Variants in COL27A1 observed in about 807,000 individuals in gnomAD.
COL27A1 encodes the protein collagen alpha-1(XXVII) chain.
In COL27A1, 106 loss-of-function variants were observed where a neutral mutation model predicts 251.3. The ratio of observed to expected loss-of-function variants is 0.42; its 90% CI spans 0.36 to 0.50. The LOEUF (loss-of-function observed/expected upper bound fraction) is 0.50, where lower values mean the gene tolerates loss of function less well. Ranked by LOEUF, COL27A1 falls within the 20% of genes least tolerant of loss-of-function variation. The probability of loss-of-function intolerance (pLI) is 0.00; values close to 1 mark genes in which losing one functional copy is unlikely to be tolerated. For synonymous variants in COL27A1, 1,000 were observed against 986.3 expected (o/e 1.01, Z -0.26); for missense variants, 2,325 against 2,522.8 (o/e 0.92, Z 1.68).
intron 49 of COL27A1, among the ~76,000 whole-genome samples, chr9:114,293,165 C>A (rs910675649): frequency 6.6e-6 from 1 of 152,172 alleles, no homozygotes; most frequent in African/African-American, 2.4e-5. Flanking sequence ...TCATTCAGAA[C>A]ATTTACCAAG....
chr9:114,211,017 G>A lies in COL27A1; in HGVS notation c.2358G>A (p.Met786Ile). The change falls in exon 12 of 61, where the codon ATG (methionine) becomes ATA (isoleucine). Residue 786 changes from methionine (M) to isoleucine (I), a missense_variant. Transcript: ENST00000356083. ...LPGVPGKRGK[M>I]GMPGFPGVFG... Reference sequence around the variant, plus strand: ...GCGTTCCTGGCAAGAGGGGCAAGATGGGTATGCCGGTAAAGATTTTCCGTG... The same window carrying A: ...GCGTTCCTGGCAAGAGGGGCAAGATAGGTATGCCGGTAAAGATTTTCCGTG... 6.2e-7 allele frequency: 1 copy of A among 1,614,240 alleles called. No homozygotes were observed. The highest frequency in any genetic ancestry group is 8.5e-7 in the Non-Finnish European group (1 of 1,180,020).
intron 13 of COL27A1, 22 bp downstream of exon 13, chr9:114,219,866 G>C: frequency 6.3e-7 from 1 of 1,576,594 alleles, no homozygotes; most frequent in Admixed American, 1.7e-5. Context: ...AAGTCTTTGG[G>C]AACAGGAGCG....
intron 12 of COL27A1, among the ~76,000 whole-genome samples, chr9:114,211,562 A>G (rs1287480079): frequency 5.3e-5 from 8 of 152,244 alleles, no homozygotes; most frequent in East Asian, 1.9e-4. Flanking sequence ...ATGGCTCCCC[A>G]TCATGGGAGG....
intron 57 of COL27A1, 140 bp from the exon 58 acceptor site, chr9:114,306,380 G>C: frequency 1.3e-6 from 1 of 781,478 alleles, no homozygotes; most frequent in South Asian, 1.8e-5. Flanking sequence ...GCAAAATAAA[G>C]AGAAACCCAA....
chr9:114,203,160 TTAA>T (rs1452039846), intron 7 of COL27A1, among the ~76,000 whole-genome samples: 4 of 152,174 alleles, frequency 2.6e-5, no homozygotes, highest in African/African-American at 7.2e-5. Context: ...TTATACCTCC[TTAA>T]TTAGAATGTA....
At chr9:114,204,876 A>G (rs1829835795) in intron 7 of COL27A1, among the ~76,000 whole-genome samples, 1 of 152,172 alleles carries the variant, frequency 6.6e-6, no homozygotes, top group African/African-American at 2.4e-5. Context: ...GACCCTCCTG[A>G]TGTCCTCTGG....
intron 14 of COL27A1, among the ~76,000 whole-genome samples, chr9:114,225,012 T>C (rs1482424491): frequency 6.6e-6 from 1 of 152,232 alleles, no homozygotes; most frequent in African/African-American, 2.4e-5. Context: ...ATATGACACC[T>C]AGTTAAATTT....
chr9:114,170,989 C>G lies in COL27A1; in HGVS notation c.1908+1526C>G, dbSNP rs945801499. Among the ~76,000 whole-genome samples the G allele has an allele frequency of 2.6e-5, 4 of 152,358 alleles. No individual in the cohort carries two copies. The East Asian group carries it at 5.8e-4, about 22-fold the overall frequency. ...CCCAGCCCTGAGGAGGAGGCCGGCCCTCCCTCCCAAGAATTTGTGTGGTGT... is the reference window on the plus strand; with the variant it reads ...CCCAGCCCTGAGGAGGAGGCCGGCCGTCCCTCCCAAGAATTTGTGTGGTGT... On this transcript the variant is annotated intron_variant, in intron 3 of 60. Transcript: ENST00000356083.
At chr9:114,287,510 C>G (rs1172339695) in intron 41 of COL27A1, among the ~76,000 whole-genome samples, 1 of 152,150 alleles carries the variant, frequency 6.6e-6, no homozygotes, top group South Asian at 2.1e-4. Flanking sequence ...TCCGCCCCCC[C>G]CACCCCAGTC....
intron 49 of COL27A1, among the ~76,000 whole-genome samples, chr9:114,294,005 G>A (rs889591895): frequency 3.3e-5 from 5 of 151,800 alleles, no homozygotes; most frequent in South Asian, 2.1e-4. Context: ...TTGGGAGGCC[G>A]AGGTGGGTGG....
At chr9:114,259,245 A>G (rs1687378) in intron 28 of COL27A1, among the ~76,000 whole-genome samples, 117,826 of 152,110 alleles carry the variant, frequency 0.77, 45,793 homozygotes, top group African/African-American at 0.82. Context: ...GCTGGGACTT[A>G]GCAGGCACCA....
chr9:114,269,237 C>A lies in COL27A1; in HGVS notation c.3502-4C>A. 6.3e-7 allele frequency: 1 copy of A among 1,599,948 alleles called. No homozygotes were observed. The highest frequency in any genetic ancestry group is 1.1e-5 in the South Asian group (1 of 89,268). On this transcript the variant is annotated splice_polypyrimidine_tract_variant and splice_region_variant and intron_variant, in intron 34 of 60. Coordinates refer to ENST00000356083, the MANE Select transcript of COL27A1 (RefSeq NM_032888.4). ...CGCAAGGACTTTTGTTCGGCTTCTC[C>A]TAGGGTGACCTTGGACCCCTGGGCA...
Position 114,282,148 on chromosome 9 carries a change from T to C in COL27A1, c.3718-129T>C, listed in dbSNP as rs1192837911. ...GTCAGGCTCAAGGTCATGTGGGTAC[T>C]GGGTGGCAGAATCAGTTTCGAACCT... is the stretch of plus-strand genomic sequence containing the variant. On this transcript the variant is annotated intron_variant, in intron 37 of 60. Transcript: ENST00000356083. 4 of 755,166 alleles carry C rather than the reference T, an allele frequency of 5.3e-6. No homozygotes were observed. In the East Asian group the frequency reaches 1.0e-4, roughly 19 times the overall value. The allele number at this position is 755,166 out of a possible 1,614,324, so 46.8% of individuals were successfully genotyped here.
intron 18 of COL27A1, 50 bp from the exon 19 acceptor site, chr9:114,237,612 G>C (rs1832486099): frequency 4.0e-6 from 6 of 1,491,928 alleles, no homozygotes; most frequent in Non-Finnish European, 3.7e-6. Context: ...GGGGTTCATG[G>C]AAGGTGGGGT....
intron 7 of COL27A1, among the ~76,000 whole-genome samples, chr9:114,200,705 C>T (rs954295420): frequency 5.3e-5 from 8 of 152,214 alleles, no homozygotes; most frequent in Non-Finnish European, 1.2e-4. Flanking sequence ...GAAACTGAGG[C>T]CCGGAGAGGC....
At chr9:114,191,978 G>A (rs1391622621) in intron 5 of COL27A1, among the ~76,000 whole-genome samples, 1 of 152,162 alleles carries the variant, frequency 6.6e-6, no homozygotes, top group African/African-American at 2.4e-5. Context: ...ACATGAGTGT[G>A]TCTGTTCCCC....
chr9:114,191,849 G>A (rs989021644), intron 5 of COL27A1, among the ~76,000 whole-genome samples: 6 of 152,300 alleles, frequency 3.9e-5, no homozygotes, highest in African/African-American at 9.6e-5. Flanking sequence ...GATAGTGATC[G>A]TTGCCAACTT....
rs960930912 is a variant in COL27A1 at position 114,290,373 on chromosome 9, G to A, written c.4368+42G>A. Reference sequence around the variant, plus strand: ...ATTAACAGATGGTGGCTCCATTTGGGACCAGGTGTAGGGGAACTTCCCCAG... The same window carrying A: ...ATTAACAGATGGTGGCTCCATTTGGAACCAGGTGTAGGGGAACTTCCCCAG... On this transcript the variant is annotated intron_variant, in intron 47 of 60. Transcript: ENST00000356083. The surrounding 1 kb of genome is among the most constrained non-coding windows in gnomAD (Gnocchi z 4.6). The A allele has an allele frequency of 6.0e-6, 9 of 1,508,114 alleles. No individual in the cohort carries two copies. In the Admixed American group the frequency reaches 9.8e-5, roughly 16 times the overall value. 93.4% of individuals were successfully genotyped at this position (1,508,114 alleles called of 1,614,324 possible). A position where few individuals can be genotyped will look rare whatever the true frequency, so the allele number is the denominator to read the frequency against.
At chr9:114,211,095 T>C in intron 12 of COL27A1, 69 bp downstream of exon 12, 1 of 1,486,188 alleles carries the variant, frequency 6.7e-7, no homozygotes, top group South Asian at 1.1e-5. Context: ...CACGCTGCCC[T>C]GGCCACCTGC....
Sources: allele counts gnomAD v4.1 joint callset (sites outside exome capture counted in the v4.1 genomes callset), GRCh38; gene constraint gnomAD v4.1.1; non-coding constraint Gnocchi (gnomAD v3.1); transcripts MANE v1.5; gene names NCBI Gene and HGNC (gene_info 2026-07-23, HGNC 2026-07-21).